Variants in MYT1L observed in about 807,000 individuals in gnomAD.
MYT1L encodes myelin transcription factor 1 like, also known as myelin transcription factor 1-like protein.
In MYT1L, 12 loss-of-function variants were observed where a neutral mutation model predicts 126.7. The observed-to-expected ratio is 0.09, with a 90% CI of 0.06 to 0.15. The LOEUF (loss-of-function observed/expected upper bound fraction) is 0.15, where lower values mean the gene tolerates loss of function less well. Ranked by LOEUF, MYT1L falls within the 10% of genes least tolerant of loss-of-function variation. MYT1L has a pLI of 1.00. For synonymous variants in MYT1L, 541 were observed against 604.2 expected (o/e 0.90, Z 1.53); for missense variants, 979 against 1,585.2 (o/e 0.62, Z 6.49).
intron 2 of MYT1L, among the ~76,000 whole-genome samples, chr2:2,252,177 G>A (rs186003810): frequency 1.1e-4 from 16 of 152,220 alleles, no homozygotes; most frequent in Admixed American, 6.5e-4. Flanking sequence ...TCCTGGCTTC[G>A]TTCTCAAGGA....
chr2:2,062,403 G>A (rs961413154), intron 3 of MYT1L, among the ~76,000 whole-genome samples: 1 of 152,216 alleles, frequency 6.6e-6, no homozygotes, highest in Non-Finnish European at 1.5e-5. Flanking sequence ...GGAGCCGTCC[G>A]TGTCCTCCCA....
intron 4 of MYT1L, among the ~76,000 whole-genome samples, chr2:2,050,547 C>T (rs1459218209): frequency 6.6e-6 from 1 of 152,174 alleles, no homozygotes; most frequent in Non-Finnish European, 1.5e-5. Flanking sequence ...TCAGCAATCA[C>T]AGTGGCTAAT....
chr2:1,910,367 G>A lies in MYT1L; in HGVS notation c.1710-20C>T. 6.2e-7 allele frequency: 1 copy of A among 1,602,264 alleles called. No homozygotes were observed. The highest frequency in any genetic ancestry group is 1.1e-5 in the South Asian group (1 of 90,826). On this transcript the variant is annotated intron_variant, in intron 12 of 24. Coordinates refer to ENST00000647738, the MANE Select transcript of MYT1L (RefSeq NM_001303052.2). This position sits in a 1 kb window ranked among gnomAD's most constrained non-coding sequence, Gnocchi z 4.8. ...GAGAGGCTGCAATCACAGAAAGCGG[G>A]TTGAATGGTCCCGCCTCAAACACCT...
intron 1 of MYT1L, among the ~76,000 whole-genome samples, chr2:2,285,193 T>C (rs1232304952): frequency 1.3e-5 from 2 of 152,198 alleles, no homozygotes; most frequent in African/African-American, 2.4e-5. Flanking sequence ...CAGGCAGTGA[T>C]TGCAGTTGCA....
At chr2:2,160,461 C>A (rs1010408491) in intron 3 of MYT1L, among the ~76,000 whole-genome samples, 5 of 152,118 alleles carry the variant, frequency 3.3e-5, no homozygotes, top group Non-Finnish European at 7.3e-5. Context: ...CATCTGTAAC[C>A]TTGGATAAAT....
chr2:2,056,305 T>A lies in MYT1L; in HGVS notation c.-303-2182A>T, dbSNP rs149564154. Among the ~76,000 whole-genome samples the A allele has an allele frequency of 5.2e-4, 79 of 152,160 alleles. 1 individual carries two copies. The East Asian group carries it at 0.014, about 26-fold the overall frequency. On this transcript the variant is annotated intron_variant, in intron 3 of 24. Transcript: ENST00000647738. ...GCGTGAGGACACACCCTCACAAACATGAGAACCCCTCTTGGAGGAAGGGGA... is the reference window on the plus strand; with the variant it reads ...GCGTGAGGACACACCCTCACAAACAAGAGAACCCCTCTTGGAGGAAGGGGA...
chr2:1,813,450 C>T (rs953692943), intron 21 of MYT1L, among the ~76,000 whole-genome samples: 5 of 152,138 alleles, frequency 3.3e-5, no homozygotes, highest in Non-Finnish European at 7.3e-5. Flanking sequence ...GAGCAGCTGC[C>T]GATGCTGGAA....
intron 4 of MYT1L, among the ~76,000 whole-genome samples, chr2:2,040,237 G>A (rs1036630706): frequency 2.6e-5 from 4 of 152,206 alleles, no homozygotes; most frequent in Admixed American, 1.3e-4. Flanking sequence ...CTGAGCACAC[G>A]TGTACTCTGG....
At chr2:1,876,437 C>T (rs916430002) in intron 18 of MYT1L, among the ~76,000 whole-genome samples, 4 of 152,216 alleles carry the variant, frequency 2.6e-5, no homozygotes, top group East Asian at 1.9e-4. Flanking sequence ...CACACATGCA[C>T]GACATCCCTC....
intron 3 of MYT1L, among the ~76,000 whole-genome samples, chr2:2,072,879 T>G (rs999288323): frequency 4.6e-5 from 7 of 152,232 alleles, no homozygotes; most frequent in African/African-American, 1.7e-4. Flanking sequence ...CATGTGGAAC[T>G]GAGTCAATTA....
At chr2:2,138,846 A>C (rs79993185) in intron 3 of MYT1L, among the ~76,000 whole-genome samples, 1 of 122,192 alleles carries the variant, frequency 8.2e-6, no homozygotes, top group Non-Finnish European at 1.9e-5. Flanking sequence ...AAGTATAATT[A>C]AAAAAAAAAA....
At chr2:1,861,779 GGATCTGCCTGCAGACTGTGTAATCCTA>G (rs2044669223) in intron 18 of MYT1L, among the ~76,000 whole-genome samples, 1 of 134,360 alleles carries the variant, frequency 7.4e-6, no homozygotes, top group Admixed American at 7.5e-5. Context: ...GTGTAATCCT[GGATCTGCCTGCAGACTGTGTAATCCTA>G]GATCTGCCTG....
At chr2:1,935,908 A>G (rs895339660) in intron 9 of MYT1L, among the ~76,000 whole-genome samples, 1 of 152,210 alleles carries the variant, frequency 6.6e-6, no homozygotes, top group Non-Finnish European at 1.5e-5. Context: ...GACTTTATGC[A>G]TCCACCTGCA....
intron 5 of MYT1L, among the ~76,000 whole-genome samples, chr2:1,987,388 ATT>A (rs10569072): frequency 0.19 from 28,607 of 151,386 alleles, 4,030 homozygotes; most frequent in African/African-American, 0.4. Flanking sequence ...ATTGCTCTAA[ATT>A]TCTCTTGGCC....
chr2:2,291,844 C>A (rs1573237926), intron 1 of MYT1L, among the ~76,000 whole-genome samples: 1 of 152,242 alleles, frequency 6.6e-6, no homozygotes, highest in Non-Finnish European at 1.5e-5. Context: ...AAGTCACTGT[C>A]TCACAGAGTA....
intron 1 of MYT1L, among the ~76,000 whole-genome samples, chr2:2,286,854 A>C (rs1343158037): frequency 6.6e-6 from 1 of 152,226 alleles, no homozygotes; most frequent in African/African-American, 2.4e-5. Flanking sequence ...GGGTGCGCGA[A>C]ATCACGAAGG....
At chr2:1,918,265 A>G (rs2053130477) in intron 10 of MYT1L, among the ~76,000 whole-genome samples, 2 of 152,254 alleles carry the variant, frequency 1.3e-5, no homozygotes, top group Non-Finnish European at 2.9e-5. Flanking sequence ...ATGCAATATA[A>G]TAACTTCAGA....
At chr2:2,241,813 G>C (rs555793945) in intron 2 of MYT1L, among the ~76,000 whole-genome samples, 1 of 152,144 alleles carries the variant, frequency 6.6e-6, no homozygotes, top group Admixed American at 6.5e-5. Context: ...AGGGCATTAC[G>C]CTAAGTGAAA....
intron 4 of MYT1L, among the ~76,000 whole-genome samples, chr2:2,006,962 G>C (rs180813124): frequency 1.4e-4 from 21 of 151,878 alleles, no homozygotes; most frequent in Admixed American, 5.9e-4. Context: ...ATATTACGTA[G>C]TATAATATTT....
Sources: allele counts gnomAD v4.1 joint callset (sites outside exome capture counted in the v4.1 genomes callset), GRCh38; gene constraint gnomAD v4.1.1; non-coding constraint Gnocchi (gnomAD v3.1); transcripts MANE v1.5; gene names NCBI Gene and HGNC (gene_info 2026-07-23, HGNC 2026-07-21).